Variants in ACTR3C observed in about 807,000 individuals in gnomAD.
ACTR3C encodes actin-related protein 3C.
A neutral mutation model predicts 26.3 loss-of-function variants in ACTR3C; 18 were observed. The observed-to-expected ratio is 0.68, with a 90% CI of 0.47 to 1.01. ACTR3C has a LOEUF of 1.01. Ranked by LOEUF, ACTR3C falls within the 50% of genes least tolerant of loss-of-function variation. ACTR3C has a pLI of 0.00. For missense variants in ACTR3C, 184 were observed against 250.7 expected, an observed-to-expected ratio of 0.73 and a Z score of 1.80; for synonymous variants, 55 against 94.5, an observed-to-expected ratio of 0.58 and a Z score of 2.42.
At chr7:150,238,353 T>A in the ACTR3C span, among the ~76,000 whole-genome samples, 1 of 126,424 alleles carries the variant, frequency 7.9e-6, no homozygotes, top group African/African-American at 3.5e-5. Context: ...AAACAATTAA[T>A]ACAAAATTGT....
At chr7:149,945,467 T>G in the ACTR3C span, among the ~76,000 whole-genome samples, 1 of 152,178 alleles carries the variant, frequency 6.6e-6, no homozygotes, top group Admixed American at 6.5e-5. Flanking sequence ...GAAGTGACAG[T>G]ATTGCCAGTC....
At chr7:150,100,337 T>C in the ACTR3C span, among the ~76,000 whole-genome samples, 1 of 151,716 alleles carries the variant, frequency 6.6e-6, no homozygotes, top group African/African-American at 2.4e-5. Flanking sequence ...TCAGTGCAGC[T>C]GGCCTCCAAT....
At chr7:150,230,681 G>A in the ACTR3C span, among the ~76,000 whole-genome samples, 4 of 152,166 alleles carry the variant, frequency 2.6e-5, no homozygotes, top group Non-Finnish European at 5.9e-5. Flanking sequence ...CCACCCTCCT[G>A]TGCAGGGAAA....
At chr7:150,068,270 G>A in the ACTR3C span, among the ~76,000 whole-genome samples, 5 of 152,026 alleles carry the variant, frequency 3.3e-5, no homozygotes, top group Non-Finnish European at 5.9e-5. Context: ...GGATAAATAC[G>A]CTTTGCTACC....
At chr7:149,882,013 T>C in the ACTR3C span, 1 of 152,578 alleles carries the variant, frequency 6.6e-6, no homozygotes, top group Non-Finnish European at 1.5e-5. Flanking sequence ...GTGGACCCAG[T>C]GAAGCTGGAC....
At chr7:150,133,238 G>A in the ACTR3C span, among the ~76,000 whole-genome samples, 8 of 152,104 alleles carry the variant, frequency 5.3e-5, no homozygotes, top group Non-Finnish European at 8.8e-5. Flanking sequence ...CCCTGTGTTC[G>A]ACGAGCCAGA....
At chr7:149,959,201 T>C in the ACTR3C span, among the ~76,000 whole-genome samples, 1 of 148,002 alleles carries the variant, frequency 6.8e-6, no homozygotes, top group Non-Finnish European at 1.5e-5. Flanking sequence ...TTGGGCCCTT[T>C]TCAATTTGGA....
chr7:149,992,576 T>C, the ACTR3C span, among the ~76,000 whole-genome samples: 6 of 152,194 alleles, frequency 3.9e-5, no homozygotes, highest in African/African-American at 1.4e-4. Context: ...TCCAAGTGAT[T>C]ATCCATCAGC....
chr7:150,047,259 C>A, the ACTR3C span, among the ~76,000 whole-genome samples: 1 of 152,082 alleles, frequency 6.6e-6, no homozygotes, highest in African/African-American at 2.4e-5. Context: ...TAAGCACAGG[C>A]CGATCGAATT....
At chr7:150,103,053 TACA>T in the ACTR3C span, among the ~76,000 whole-genome samples, 1 of 149,758 alleles carries the variant, frequency 6.7e-6, no homozygotes, top group South Asian at 2.1e-4. Context: ...TCAGTTTGAA[TACA>T]AAACAGGTGT....
chr7:150,292,178 C>T (rs1347680492), intron 3 of ACTR3C, among the ~76,000 whole-genome samples: 1 of 150,720 alleles, frequency 6.6e-6, no homozygotes, highest in Non-Finnish European at 1.5e-5. Flanking sequence ...TACACAAACA[C>T]ACCCCCCCAT....
the ACTR3C span, among the ~76,000 whole-genome samples, chr7:149,976,591 G>A: frequency 4.0e-5 from 5 of 123,700 alleles, no homozygotes; most frequent in South Asian, 2.6e-4. Context: ...AAAAAAAAAA[G>A]AGAGAGAGAA....
At chr7:150,072,841 T>G in the ACTR3C span, among the ~76,000 whole-genome samples, 1 of 151,874 alleles carries the variant, frequency 6.6e-6, no homozygotes, top group South Asian at 2.1e-4. Context: ...AGGAAGATAC[T>G]GGAAGAGGAA....
At chr7:149,958,296 C>T in the ACTR3C span, among the ~76,000 whole-genome samples, 3 of 152,010 alleles carry the variant, frequency 2.0e-5, no homozygotes, top group Non-Finnish European at 4.4e-5. Flanking sequence ...CTCCTGCCTA[C>T]ACAGAATAAA....
At chr7:150,219,528 G>A in the ACTR3C span, among the ~76,000 whole-genome samples, 1 of 143,020 alleles carries the variant, frequency 7.0e-6, no homozygotes, top group African/African-American at 3.0e-5. Context: ...TAGGTGAGGC[G>A]TATTGAGCAT....
At chr7:150,143,795 C>T in the ACTR3C span, among the ~76,000 whole-genome samples, 5 of 152,236 alleles carry the variant, frequency 3.3e-5, no homozygotes, top group African/African-American at 1.2e-4. Flanking sequence ...CCCGACTCTT[C>T]ATCCCCCCGC....
At chr7:150,145,233 G>A in the ACTR3C span, among the ~76,000 whole-genome samples, 2 of 152,068 alleles carry the variant, frequency 1.3e-5, no homozygotes, top group Admixed American at 1.3e-4. Context: ...CACATGGAGA[G>A]GGAGAGTTGG....
the ACTR3C span, among the ~76,000 whole-genome samples, chr7:150,018,872 A>T: frequency 6.7e-6 from 1 of 149,698 alleles, no homozygotes; most frequent in South Asian, 2.1e-4. Flanking sequence ...CTTCATCTTC[A>T]AGGTGAAAGA....
chr7:150,183,253 A>G, the ACTR3C span, among the ~76,000 whole-genome samples: 1 of 148,412 alleles, frequency 6.7e-6, no homozygotes, highest in Non-Finnish European at 1.5e-5. Flanking sequence ...CAGGTATAGC[A>G]TTAGGGGCTA....
Sources: gnomAD v4.1 joint callset for allele counts (sites outside exome capture counted in the v4.1 genomes callset) on GRCh38, gnomAD v4.1.1 for gene constraint, MANE v1.5 for transcripts, NCBI Gene and HGNC (gene_info 2026-07-23, HGNC 2026-07-21) for gene names.